Variants in UBE2V2 observed in about 807,000 individuals in gnomAD.
The protein encoded by UBE2V2 is ubiquitin conjugating enzyme E2 V2.
A neutral mutation model predicts 17.2 loss-of-function variants in UBE2V2; 9 were observed. The observed-to-expected ratio is 0.52, with a 90% CI of 0.32 to 0.91. The LOEUF (loss-of-function observed/expected upper bound fraction) is 0.91, where lower values mean the gene tolerates loss of function less well. Ranked by LOEUF, UBE2V2 falls within the 40% of genes least tolerant of loss-of-function variation. The pLI is 0.04. For synonymous variants in UBE2V2, 61 were observed against 57.5 expected (o/e 1.06, Z -0.28); for missense variants, 133 against 182.6 (o/e 0.73, Z 1.56).
At chr8:48,002,512 G>A in the UBE2V2 span, among the ~76,000 whole-genome samples, 1 of 152,176 alleles carries the variant, frequency 6.6e-6, no homozygotes, top group African/African-American at 2.4e-5. Flanking sequence ...TGGAGGCCAG[G>A]CATGGTGGCT....
chr8:47,998,759 G>A, the UBE2V2 span, among the ~76,000 whole-genome samples: 4 of 151,368 alleles, frequency 2.6e-5, no homozygotes, highest in South Asian at 2.1e-4. Context: ...TCCCGGTTTC[G>A]GCACCAGAAT....
the UBE2V2 span, among the ~76,000 whole-genome samples, chr8:47,999,470 C>A: frequency 6.6e-6 from 1 of 152,028 alleles, no homozygotes; most frequent in African/African-American, 2.4e-5. Flanking sequence ...GATTCTCCTG[C>A]CTCAGCCTCC....
At chr8:48,052,496 A>C (rs573274848) in intron 3 of UBE2V2, among the ~76,000 whole-genome samples, 1 of 151,750 alleles carries the variant, frequency 6.6e-6, no homozygotes, top group African/African-American at 2.4e-5. Context: ...CCTTCCCCCA[A>C]CCCATTTATC....
At chr8:48,042,965 GA>G in intron 1 of UBE2V2, 67 bp from the exon 2 acceptor site, 1 of 1,323,354 alleles carries the variant, frequency 7.6e-7, no homozygotes. Flanking sequence ...GGAAAAAGCT[GA>G]ATTTAAATAC....
At chr8:48,030,183 G>A (rs1049264118) in intron 1 of UBE2V2, among the ~76,000 whole-genome samples, 1 of 152,066 alleles carries the variant, frequency 6.6e-6, no homozygotes, top group Non-Finnish European at 1.5e-5. Context: ...CATTATATTT[G>A]GATGTATTCA....
At chr8:48,053,024 A>C (rs969493216) in intron 3 of UBE2V2, among the ~76,000 whole-genome samples, 2 of 152,044 alleles carry the variant, frequency 1.3e-5, no homozygotes, top group African/African-American at 4.8e-5. Context: ...CTGCTGCCTT[A>C]GCCTCCCAAG....
Position 48,062,957 on chromosome 8 carries a change from T to C in UBE2V2, c.*2129T>C, listed in dbSNP as rs1397018801. On this transcript the variant is annotated 3_prime_UTR_variant, in exon 4 of 4. Transcript: ENST00000523111. ...GGTTAAAGATTAAATTGAATGAAAC[T>C]GTAGTCTAATGGTAACTGATGATCT... 2 of 152,160 alleles carry C rather than the reference T, an allele frequency of 1.3e-5. No individual in the cohort carries two copies. The highest frequency in any genetic ancestry group is 2.4e-5 in the African/African-American group (1 of 41,462). The allele number at this position is 152,160 out of a possible 1,614,324, so 9.4% of individuals were successfully genotyped here.
the UBE2V2 span, among the ~76,000 whole-genome samples, chr8:47,998,925 G>C: frequency 6.6e-6 from 1 of 152,114 alleles, no homozygotes; most frequent in African/African-American, 2.4e-5. Context: ...GGAGTTCTTT[G>C]GTATGGCCGC....
intron 2 of UBE2V2, among the ~76,000 whole-genome samples, chr8:48,047,836 A>G (rs553490200): frequency 7.0e-4 from 106 of 152,318 alleles, no homozygotes; most frequent in Non-Finnish European, 1.3e-3. Context: ...GGCATGAGCC[A>G]CCACACCCAG....
chr8:48,047,019 G>T (rs1190568656), intron 2 of UBE2V2, among the ~76,000 whole-genome samples: 2 of 149,422 alleles, frequency 1.3e-5, no homozygotes, highest in African/African-American at 4.9e-5. Context: ...CGGGCTCACC[G>T]CAACCTCTGC....
chr8:48,007,568 C>CTTTT (rs528067517), upstream of UBE2V2, among the ~76,000 whole-genome samples: 4 of 121,238 alleles, frequency 3.3e-5, no homozygotes, highest in African/African-American at 9.4e-5. Flanking sequence ...TGTGAAAAAT[C>CTTTT]TTTTTTTTTT....
At chr8:48,014,001 G>A (rs538443522) in intron 1 of UBE2V2, among the ~76,000 whole-genome samples, 14 of 152,290 alleles carry the variant, frequency 9.2e-5, no homozygotes, top group Middle Eastern at 3.4e-3. Flanking sequence ...GACAGAACTC[G>A]GGTGTGGTGA....
chr8:48,022,605 T>C (rs1264652362), intron 1 of UBE2V2, among the ~76,000 whole-genome samples: 2 of 152,180 alleles, frequency 1.3e-5, no homozygotes, highest in African/African-American at 2.4e-5. Flanking sequence ...TTTTATACTT[T>C]CAGATGTTTT....
intron 1 of UBE2V2, among the ~76,000 whole-genome samples, chr8:48,034,715 T>C (rs1037110716): frequency 5.3e-5 from 8 of 152,212 alleles, no homozygotes; most frequent in African/African-American, 1.9e-4. Flanking sequence ...AATAAACATT[T>C]TTGTTCAGAT....
At chr8:48,007,537 A>T (rs1041525139), upstream of UBE2V2, among the ~76,000 whole-genome samples, 2 of 151,304 alleles carry the variant, frequency 1.3e-5, no homozygotes, top group African/African-American at 2.4e-5. Flanking sequence ...AAAAATACCT[A>T]GGAATACAAC....
At chr8:48,043,239 A>T (rs1165321590) in intron 2 of UBE2V2, 58 bp downstream of exon 2, 5 of 1,220,822 alleles carry the variant, frequency 4.1e-6, no homozygotes, top group Non-Finnish European at 5.4e-6. Flanking sequence ...TTAGCATTTA[A>T]TTTTATACTA....
At chr8:48,004,647 C>T (rs952491203), upstream of UBE2V2, among the ~76,000 whole-genome samples, 7 of 151,670 alleles carry the variant, frequency 4.6e-5, no homozygotes, top group African/African-American at 1.7e-4. Context: ...TTCTCTGCCT[C>T]AGCCTCCCAA....
intron 1 of UBE2V2, among the ~76,000 whole-genome samples, chr8:48,016,064 AT>A (rs1422705328): frequency 1.3e-5 from 2 of 151,814 alleles, no homozygotes; most frequent in Non-Finnish European, 2.9e-5. Context: ...AGCCCGGCTA[AT>A]TTTTGTATTT....
At chr8:48,025,240 G>A (rs2091333449) in intron 1 of UBE2V2, among the ~76,000 whole-genome samples, 1 of 146,310 alleles carries the variant, frequency 6.8e-6, no homozygotes, top group Non-Finnish European at 1.5e-5. Flanking sequence ...CCTGGCCAGT[G>A]ATTCTTATAA....
Sources: allele counts gnomAD v4.1 joint callset (sites outside exome capture counted in the v4.1 genomes callset), GRCh38; gene constraint gnomAD v4.1.1; transcripts MANE v1.5; gene names NCBI Gene and HGNC (gene_info 2026-07-23, HGNC 2026-07-21).